GPR132: variants seen among roughly 807,000 people sequenced by gnomAD.
The protein encoded by GPR132 is G protein-coupled receptor 132, also known as probable G protein-coupled receptor 132.
A neutral mutation model predicts 1.9 loss-of-function variants in GPR132; 4 were observed. The ratio of observed to expected loss-of-function variants is 2.13; its 90% CI spans 1.05 to 4.87. GPR132 has a LOEUF of 4.87. GPR132 is among the 30% of genes most tolerant of loss of function. GPR132 has a pLI of 0.01. For synonymous variants in GPR132, 233 were observed against 234.2 expected (o/e 0.99, Z 0.05); for missense variants, 404 against 512.5 (o/e 0.79, Z 2.04).
rs950564954 is a variant in GPR132 at position 105,050,837 on chromosome 14, G to A, written c.*157C>T. 11 of 690,812 alleles carry A rather than the reference G, an allele frequency of 1.6e-5. No individual in the cohort carries two copies. Among genetic ancestry groups the A allele is most frequent in the Admixed American group, 2.9e-5 (1 of 34,690 alleles). 42.8% of individuals were successfully genotyped at this position (690,812 alleles called of 1,614,324 possible). A position where few individuals can be genotyped will look rare whatever the true frequency, so the allele number is the denominator to read the frequency against. ...CCACCTTCCATGTGGGAAAGCCTGGGGCCAGTGGTCACGGAGGGAGTGGCT... is the reference window on the plus strand; with the variant it reads ...CCACCTTCCATGTGGGAAAGCCTGGAGCCAGTGGTCACGGAGGGAGTGGCT... On this transcript the variant is annotated 3_prime_UTR_variant, in exon 4 of 4. Transcript: ENST00000329797. This position sits in a 1 kb window ranked among gnomAD's most constrained non-coding sequence, Gnocchi z 4.0.
chr14:105,050,105 G>T lies in GPR132; in HGVS notation c.*889C>A, dbSNP rs946471855. On this transcript the variant is annotated 3_prime_UTR_variant, in exon 4 of 4. Coordinates refer to ENST00000329797, the MANE Select transcript of GPR132 (RefSeq NM_013345.4). The surrounding 1 kb of genome is among the most constrained non-coding windows in gnomAD (Gnocchi z 4.0). ...ATCAGTGTGACCTGGTCTAGGCAAG[G>T]CCTTTGCGGCAGACCCAGATCTGAC... is the stretch of plus-strand genomic sequence containing the variant. 3.9e-5 allele frequency: 6 copies of T among 152,302 alleles called. No individual in the cohort carries two copies. Among genetic ancestry groups the T allele is most frequent in the Non-Finnish European group, 8.8e-5 (6 of 68,086 alleles). 9.4% of individuals were successfully genotyped at this position (152,302 alleles called of 1,614,324 possible).
Position 105,055,566 on chromosome 14 carries a change from C to G in GPR132, c.-146G>C, listed in dbSNP as rs1886769167. The G allele has an allele frequency of 2.8e-6, 2 of 705,100 alleles. No individual in the cohort carries two copies. The highest frequency in any genetic ancestry group is 3.6e-5 in the African/African-American group (2 of 56,222). The allele number at this position is 705,100 out of a possible 1,614,324, so 43.7% of individuals were successfully genotyped here. ...CCACTTTGTCTCTGTGCGCTGGGCTCCCCTGTCACCTCCCCACGTGGGTGG... is the reference window on the plus strand; with the variant it reads ...CCACTTTGTCTCTGTGCGCTGGGCTGCCCTGTCACCTCCCCACGTGGGTGG... On this transcript the variant is annotated 5_prime_UTR_variant, in exon 3 of 4. Transcript: ENST00000329797. The surrounding 1 kb of genome is among the most constrained non-coding windows in gnomAD (Gnocchi z 4.7).
chr14:105,054,037 C>G, intron 3 of GPR132: 1 of 1,287,292 alleles, frequency 7.8e-7, no homozygotes, highest in Non-Finnish European at 1.0e-6. Flanking sequence ...GCTCTGCCAG[C>G]GCCACCAGCT....
At chr14:105,057,089 T>C (rs1886814837) in intron 2 of GPR132, 78 bp downstream of exon 2, 4 of 1,029,868 alleles carry the variant, frequency 3.9e-6, no homozygotes, top group Admixed American at 2.0e-5. Context: ...AATTTTTGAA[T>C]TATGAGACAA....
In GPR132 at chr14:105,057,272, T is replaced by C; in HGVS notation, c.-852A>G. On this transcript the variant is annotated 5_prime_UTR_variant, in exon 2 of 4. Transcript: ENST00000329797. ...TATCAAGACGTTCACTCTGAGAGTT[T>C]AAAATGACCTGGAAAAAGAGTAGGT... 1.2e-6 allele frequency: 1 copy of C among 805,970 alleles called. No homozygotes were observed. Among genetic ancestry groups the C allele is most frequent in the South Asian group, 1.5e-5 (1 of 65,208 alleles). 49.9% of individuals were successfully genotyped at this position (805,970 alleles called of 1,614,324 possible).
intron 1 of GPR132, among the ~76,000 whole-genome samples, chr14:105,058,276 G>A (rs1459050889): frequency 6.6e-6 from 1 of 152,130 alleles, no homozygotes; most frequent in Non-Finnish European, 1.5e-5. Flanking sequence ...TGGGAGGATC[G>A]CTTGAGCCCA....
Position 105,051,657 on chromosome 14 carries a change from G to A in GPR132, c.480C>T (p.Ile160=), listed in dbSNP as rs1566732430. ...GGATGAAGATGCAGGCGGAGATGAG[G>A]ATGGCGGTCCTCCGGCGGCGGCGGC... ...SRGRRRRRTA[I]LISACIFILV... is the part of the protein sequence containing the mutation. The change falls in exon 4 of 4, where the codon ATC becomes ATT. Residue 160 remains isoleucine, a synonymous_variant. Coordinates refer to ENST00000329797, the MANE Select transcript of GPR132 (RefSeq NM_013345.4). The surrounding 1 kb of genome is among the most constrained non-coding windows in gnomAD (Gnocchi z 8.0). 2 of 1,613,894 alleles carry A rather than the reference G, an allele frequency of 1.2e-6. No homozygotes were observed. The highest frequency in any genetic ancestry group is 1.1e-5 in the South Asian group (1 of 91,088).
At chr14:105,052,178 G>A in intron 3 of GPR132, 76 bp from the exon 4 acceptor site, 1 of 1,266,406 alleles carries the variant, frequency 7.9e-7, no homozygotes, top group South Asian at 1.5e-5. Context: ...GGGAAGAAAG[G>A]ATAGAAGCTT....
chr14:105,061,879 C>T (rs1001547803), intron 1 of GPR132, among the ~76,000 whole-genome samples: 7 of 152,196 alleles, frequency 4.6e-5, no homozygotes, highest in African/African-American at 1.2e-4. Flanking sequence ...GAAAGGTCCC[C>T]GGTGCAGACT....
rs766673392 is a variant in GPR132 at position 105,051,181 on chromosome 14, A to T, written c.956T>A (p.Val319Glu). 2.5e-6 allele frequency: 4 copies of T among 1,614,062 alleles called. No individual in the cohort carries two copies. The highest frequency in any genetic ancestry group is 3.4e-6 in the Non-Finnish European group (4 of 1,179,992). ...VLATDHSRQE[V>E]SRIHKGWKEW... is the part of the protein sequence containing the mutation. ...TTTCCACCCCTTATGGATTCTGGAC[A>T]CTTCTTGGCGGGAATGGTCCGTGGC... The change falls in exon 4 of 4, where the codon GTG becomes GAG. Residue 319 changes from valine (V) to glutamate (E), a missense_variant. Transcript: ENST00000329797. This position sits in a 1 kb window ranked among gnomAD's most constrained non-coding sequence, Gnocchi z 8.0.
chr14:105,056,294 C>T lies in GPR132; in HGVS notation c.-746-128G>A, dbSNP rs545066370. 1.6e-4 allele frequency: 47 copies of T among 290,162 alleles called. No homozygotes were observed. Among genetic ancestry groups the T allele is most frequent in the African/African-American group, 9.8e-4 (43 of 44,064 alleles). The allele number at this position is 290,162 out of a possible 1,614,324, so 18.0% of individuals were successfully genotyped here. On this transcript the variant is annotated intron_variant, in intron 2 of 3. Coordinates refer to ENST00000329797, the MANE Select transcript of GPR132 (RefSeq NM_013345.4). The surrounding 1 kb of genome is among the most constrained non-coding windows in gnomAD (Gnocchi z 6.0). Reference sequence around the variant, plus strand: ...GGCAGTTCTCGGGTGGGAGGCCCAACGCCTGTGTTTGCACTCACTGTTCTT... The same window carrying T: ...GGCAGTTCTCGGGTGGGAGGCCCAATGCCTGTGTTTGCACTCACTGTTCTT...
At position 105,060,442 on chromosome 14, in the gene GPR132, C is replaced by T. The variant is rs549318158; in HGVS notation, c.-860-3162G>A. Among the ~76,000 whole-genome samples, 7 of 152,326 alleles carry T rather than the reference C, an allele frequency of 4.6e-5. No individual in the cohort carries two copies. In the South Asian group the frequency reaches 1.4e-3, roughly 32 times the overall value. On this transcript the variant is annotated intron_variant, in intron 1 of 3. Transcript: ENST00000329797. This position sits in a 1 kb window ranked among gnomAD's most constrained non-coding sequence, Gnocchi z 6.3. ...GGGGTGTGGGGGGCCCGACCAGCCT[C>T]ACACTGGGCCTGGCTTCCCTCCTCA...
rs376299075 is a variant in GPR132 at position 105,051,697 on chromosome 14, G to A, written c.440C>T (p.Ala147Val). The change falls in exon 4 of 4, where the codon GCG (alanine) becomes GTG (valine). Residue 147 changes from alanine (A) to valine (V), a missense_variant. Ala to Val is a moderately conservative substitution (Grantham distance 64). Coordinates refer to ENST00000329797, the MANE Select transcript of GPR132 (RefSeq NM_013345.4). This position sits in a 1 kb window ranked among gnomAD's most constrained non-coding sequence, Gnocchi z 8.0. ...GCGGCGGCGGCCCCGACTCTCCAGC[G>A]CGTACACCACGGCCACGAAGCGGTC... is the stretch of plus-strand genomic sequence containing the variant. ...SCDRFVAVVY[A>V]LESRGRRRRR... The A allele has an allele frequency of 2.7e-5, 44 of 1,613,858 alleles. No homozygotes were observed. Among genetic ancestry groups the A allele is most frequent in the Non-Finnish European group, 3.4e-5 (40 of 1,180,044 alleles).
Position 105,060,339 on chromosome 14 carries a change from C to T in GPR132, c.-860-3059G>A, listed in dbSNP as rs889254065. On this transcript the variant is annotated intron_variant, in intron 1 of 3. Transcript: ENST00000329797. This position sits in a 1 kb window ranked among gnomAD's most constrained non-coding sequence, Gnocchi z 6.3. Reference sequence around the variant, plus strand: ...CAGGAGGGCCAAGGAAGGCAGACCCCCAGCCAGGCAGGGGGCCCAAGTGGG... The same window carrying T: ...CAGGAGGGCCAAGGAAGGCAGACCCTCAGCCAGGCAGGGGGCCCAAGTGGG... Among the ~76,000 whole-genome samples, 1 of 152,200 alleles carries T rather than the reference C, an allele frequency of 6.6e-6. No individual in the cohort carries two copies. The highest frequency in any genetic ancestry group is 1.5e-5 in the Non-Finnish European group (1 of 68,028).
intron 3 of GPR132, among the ~76,000 whole-genome samples, chr14:105,052,373 G>GT (rs1160342250): frequency 6.6e-6 from 1 of 152,056 alleles, no homozygotes; most frequent in Non-Finnish European, 1.5e-5. Flanking sequence ...TGTGGCCCAG[G>GT]TTGGAGTGCA....
intron 1 of GPR132, 184 bp from the exon 2 acceptor site, chr14:105,057,464 C>A: frequency 2.5e-6 from 1 of 398,382 alleles, no homozygotes; most frequent in Non-Finnish European, 4.5e-6. Context: ...GGCTCCAAGC[C>A]AACAGGCATC....
chr14:105,054,126 C>T (rs928283622), intron 3 of GPR132: 1 of 1,287,502 alleles, frequency 7.8e-7, no homozygotes, highest in Non-Finnish European at 1.0e-6. Flanking sequence ...GTCCCACCTC[C>T]AGGTCAGCAG....
rs1886592422 is a variant in GPR132, at chr14:105,050,140, A to C, written c.*854T>G. Reference sequence around the variant, plus strand: ...CAGACCCAGATCTGACTCAGCCCCGAGGGTGCAGGGAGCTGGCTTTCTCCG... The same window carrying C: ...CAGACCCAGATCTGACTCAGCCCCGCGGGTGCAGGGAGCTGGCTTTCTCCG... On this transcript the variant is annotated 3_prime_UTR_variant, in exon 4 of 4. Coordinates refer to ENST00000329797, the MANE Select transcript of GPR132 (RefSeq NM_013345.4). The surrounding 1 kb of genome is among the most constrained non-coding windows in gnomAD (Gnocchi z 4.0). 1 of 152,344 alleles carries C rather than the reference A, an allele frequency of 6.6e-6. No homozygotes were observed. Among genetic ancestry groups the C allele is most frequent in the African/African-American group, 2.4e-5 (1 of 41,466 alleles). The allele number at this position is 152,344 out of a possible 1,614,324, so 9.4% of individuals were successfully genotyped here. A position where few individuals can be genotyped will look rare whatever the true frequency, so the allele number is the denominator to read the frequency against.
chr14:105,054,797 T>C (rs1480951808), intron 3 of GPR132, among the ~76,000 whole-genome samples: 3 of 148,342 alleles, frequency 2.0e-5, no homozygotes, highest in Non-Finnish European at 4.5e-5. Context: ...CCCAGCACTT[T>C]GGGAGGCCAG....
Sources: gnomAD v4.1 joint callset for allele counts (sites outside exome capture counted in the v4.1 genomes callset) on GRCh38, gnomAD v4.1.1 for gene constraint, Gnocchi (gnomAD v3.1) non-coding constraint, MANE v1.5 for transcripts, NCBI Gene and HGNC (gene_info 2026-07-23, HGNC 2026-07-21) for gene names.